Variants in NTM observed in about 807,000 individuals in gnomAD.
NTM encodes neurotrimin, also known as IgLON family member 2.
Under a neutral mutation model 42.1 loss-of-function variants are expected in NTM, and 13 were observed. The ratio of observed to expected loss-of-function variants is 0.31; its 90% CI spans 0.20 to 0.49. NTM has a LOEUF of 0.49. Among genes scored for constraint, NTM ranks in the 20% least tolerant of loss-of-function variants. NTM has a pLI of 0.99. For synonymous variants in NTM, 187 were observed against 179.2 expected (o/e 1.04, Z -0.35); for missense variants, 373 against 452.8 (o/e 0.82, Z 1.60).
intron 2 of NTM, among the ~76,000 whole-genome samples, chr11:132,059,332 A>C (rs2080236810): frequency 6.6e-6 from 1 of 152,176 alleles, no homozygotes; most frequent in African/African-American, 2.4e-5. Context: ...CGCCTCTGAG[A>C]GTCTGGCCTC....
At chr11:132,142,513 G>A (rs1344233204) in intron 2 of NTM, among the ~76,000 whole-genome samples, 1 of 152,146 alleles carries the variant, frequency 6.6e-6, no homozygotes, top group African/African-American at 2.4e-5. Context: ...TAACCGAGGA[G>A]CGATGTGTCC....
chr11:131,490,980 C>G (rs748240919), intron 1 of NTM, among the ~76,000 whole-genome samples: 1 of 152,168 alleles, frequency 6.6e-6, no homozygotes, highest in Admixed American at 6.5e-5. Context: ...AATGCAGACA[C>G]AAGTGTCTCC....
chr11:132,233,067 CAGGAA>C (rs2139068177), intron 4 of NTM, among the ~76,000 whole-genome samples: 1 of 152,266 alleles, frequency 6.6e-6, no homozygotes, highest in South Asian at 2.1e-4. Flanking sequence ...CTGGGCAGTG[CAGGAA>C]TCAAAAGGTA....
At chr11:131,608,227 C>A (rs909931146) in intron 1 of NTM, among the ~76,000 whole-genome samples, 1 of 152,184 alleles carries the variant, frequency 6.6e-6, no homozygotes, top group Non-Finnish European at 1.5e-5. Context: ...GACATGAACT[C>A]ATCCTTTTTT....
intron 1 of NTM, among the ~76,000 whole-genome samples, chr11:131,418,714 A>G (rs1947198271): frequency 6.6e-6 from 1 of 152,224 alleles, no homozygotes; most frequent in African/African-American, 2.4e-5. Context: ...TGGAGAGGTT[A>G]GGAGAGATAA....
intron 2 of NTM, among the ~76,000 whole-genome samples, chr11:131,972,073 T>C (rs1350153461): frequency 1.1e-5 from 1 of 92,848 alleles, no homozygotes. Context: ...ATTAGCCAGG[T>C]GTGGTGGCAC....
rs1029137585 is a variant in NTM at position 132,104,969 on chromosome 11, A to G, written c.168-41313A>G. On this transcript the variant is annotated intron_variant, in intron 2 of 8. Transcript: ENST00000683400. ...TATATATATATATATATATATATAT[A>G]TATATATATATATATATATATATTT... 2.2e-3 allele frequency among the ~76,000 whole-genome samples: 264 copies of G among 119,286 alleles called. 10 individuals are homozygous for G. Among genetic ancestry groups the G allele is most frequent in the Admixed American group, 3.6e-3 (43 of 12,078 alleles). The allele number at this position is 119,286 out of a possible 152,430, so 78.3% of individuals were successfully genotyped here. A position where few individuals can be genotyped will look rare whatever the true frequency, so the allele number is the denominator to read the frequency against.
chr11:131,826,675 T>C (rs1418991603), intron 1 of NTM, among the ~76,000 whole-genome samples: 4 of 151,752 alleles, frequency 2.6e-5, no homozygotes, highest in Non-Finnish European at 4.4e-5. Flanking sequence ...AGGGAGGAAT[T>C]TTTTCATTTG....
chr11:131,569,146 ATTT>A (rs34930353), intron 1 of NTM, among the ~76,000 whole-genome samples: 2 of 137,376 alleles, frequency 1.5e-5, no homozygotes, highest in Non-Finnish European at 1.6e-5. Flanking sequence ...TTTCGTTTTC[ATTT>A]TTTTTTTTTT....
chr11:132,071,429 C>T (rs1349792739), intron 2 of NTM, among the ~76,000 whole-genome samples: 1 of 152,242 alleles, frequency 6.6e-6, no homozygotes, highest in Non-Finnish European at 1.5e-5. Flanking sequence ...CACTGACCAC[C>T]ACCGTGCTTG....
In NTM at chr11:132,133,477, G is replaced by T. The variant is rs559189372; in HGVS notation, c.168-12805G>T. ...TATAATCCCATCCTAATGCACTTCAGTTCATCCACATCTTTGGAGATAACT... is the reference window on the plus strand; with the variant it reads ...TATAATCCCATCCTAATGCACTTCATTTCATCCACATCTTTGGAGATAACT... On this transcript the variant is annotated intron_variant, in intron 2 of 8. Transcript: ENST00000683400. 3.9e-5 allele frequency among the ~76,000 whole-genome samples: 6 copies of T among 152,290 alleles called. No homozygotes were observed. In the South Asian group the frequency reaches 8.3e-4, roughly 21 times the overall value.
chr11:132,065,767 G>A lies in NTM; in HGVS notation c.168-80515G>A, dbSNP rs140705625. Among the ~76,000 whole-genome samples, 60 of 152,238 alleles carry A rather than the reference G, an allele frequency of 3.9e-4. No individual in the cohort carries two copies. The East Asian group carries it at 0.011, about 28-fold the overall frequency. Reference sequence around the variant, plus strand: ...TTGGTTAAGTTTAAAGAACTGTGTAGGCATGTGACATACATTAGTTCATCG... The same window carrying A: ...TTGGTTAAGTTTAAAGAACTGTGTAAGCATGTGACATACATTAGTTCATCG... On this transcript the variant is annotated intron_variant, in intron 2 of 8. Transcript: ENST00000683400.
intron 4 of NTM, among the ~76,000 whole-genome samples, chr11:132,262,224 A>G (rs920792421): frequency 9.9e-5 from 15 of 152,200 alleles, no homozygotes; most frequent in Non-Finnish European, 2.1e-4. Context: ...ATTTGTTAGC[A>G]GCTGCCTGAT....
chr11:132,313,345 G>C (rs1272221002), intron 6 of NTM, among the ~76,000 whole-genome samples: 1 of 152,004 alleles, frequency 6.6e-6, no homozygotes, highest in African/African-American at 2.4e-5. Flanking sequence ...CATGTCCCCT[G>C]AATCTGTTCC....
chr11:131,607,355 T>C (rs1015262285), intron 1 of NTM, among the ~76,000 whole-genome samples: 1 of 152,182 alleles, frequency 6.6e-6, no homozygotes, highest in African/African-American at 2.4e-5. Flanking sequence ...CTCCCTGTGC[T>C]GTGTTTTGTT....
At chr11:131,883,983 A>G (rs1011401137) in intron 1 of NTM, among the ~76,000 whole-genome samples, 4 of 152,192 alleles carry the variant, frequency 2.6e-5, no homozygotes, top group East Asian at 1.9e-4. Flanking sequence ...ACAAATAATA[A>G]TATTTAATAG....
chr11:131,846,511 T>G (rs895449500), intron 1 of NTM, among the ~76,000 whole-genome samples: 1 of 152,200 alleles, frequency 6.6e-6, no homozygotes, highest in Non-Finnish European at 1.5e-5. Context: ...CTATACTGTT[T>G]TAACTCTATC....
intron 3 of NTM, among the ~76,000 whole-genome samples, chr11:132,197,443 A>AT (rs915120328): frequency 1.3e-5 from 2 of 152,020 alleles, no homozygotes; most frequent in South Asian, 2.1e-4. Flanking sequence ...ACCATTTGTC[A>AT]TAACCACCCT....
chr11:131,559,649 A>C (rs888415726), intron 1 of NTM, among the ~76,000 whole-genome samples: 1 of 152,226 alleles, frequency 6.6e-6, no homozygotes, highest in Non-Finnish European at 1.5e-5. Flanking sequence ...CTCTCCCAAA[A>C]CAGTGGCTTA....
Sources: gnomAD v4.1 joint callset for allele counts (sites outside exome capture counted in the v4.1 genomes callset) on GRCh38, gnomAD v4.1.1 for gene constraint, MANE v1.5 for transcripts, NCBI Gene and HGNC (gene_info 2026-07-23, HGNC 2026-07-21) for gene names.